Variants in DACH1 observed in about 807,000 individuals in gnomAD.
DACH1 encodes dachshund family transcription factor 1.
A neutral mutation model predicts 54.2 loss-of-function variants in DACH1; 12 were observed. The observed-to-expected ratio is 0.22, with a 90% confidence interval of 0.14 to 0.36. The LOEUF (loss-of-function observed/expected upper bound fraction) is 0.36, where lower values mean the gene tolerates loss of function less well. Among genes scored for constraint, DACH1 ranks in the 10% least tolerant of loss-of-function variants. The pLI, the probability that DACH1 is intolerant of heterozygous loss-of-function variation, is 1.00. For missense variants in DACH1, 805 were observed against 929.8 expected (o/e 0.87, Z 1.75); for synonymous variants, 386 against 366.2 (o/e 1.05, Z -0.62).
intron 2 of DACH1, among the ~76,000 whole-genome samples, chr13:71,678,180 A>G (rs978874217): frequency 2.6e-5 from 4 of 152,202 alleles, no homozygotes; most frequent in Admixed American, 6.5e-5. Flanking sequence ...TTAAAAGTCT[A>G]TATGATCATA....
At chr13:71,785,799 G>A (rs984478409) in intron 1 of DACH1, among the ~76,000 whole-genome samples, 28 of 152,138 alleles carry the variant, frequency 1.8e-4, no homozygotes, top group Non-Finnish European at 7.4e-5. Flanking sequence ...ATCCTAACAT[G>A]TTTTTCTCTC....
chr13:71,503,853 T>G (rs912421350), intron 6 of DACH1, among the ~76,000 whole-genome samples: 9 of 152,202 alleles, frequency 5.9e-5, no homozygotes, highest in Non-Finnish European at 1.2e-4. Context: ...ACTTTTTCCT[T>G]TAAAACTAAC....
chr13:71,459,203 AC>A (rs2138135112), intron 10 of DACH1, among the ~76,000 whole-genome samples: 1 of 152,100 alleles, frequency 6.6e-6, no homozygotes, highest in East Asian at 1.9e-4. Flanking sequence ...AAAATACTAA[AC>A]ATGGACTTTG....
At chr13:71,741,231 G>T (rs1884366487) in intron 1 of DACH1, among the ~76,000 whole-genome samples, 1 of 152,120 alleles carries the variant, frequency 6.6e-6, no homozygotes, top group East Asian at 1.9e-4. Flanking sequence ...CCATTGCAAA[G>T]TACCAAGCAC....
chr13:71,559,779 A>G, intron 5 of DACH1, 41 bp downstream of exon 5: 1 of 1,613,050 alleles, frequency 6.2e-7, no homozygotes, highest in Non-Finnish European at 8.5e-7. Context: ...CTGAACCCTA[A>G]TAAAGTTTAA....
At chr13:71,670,517 T>C (rs1490535157) in intron 2 of DACH1, among the ~76,000 whole-genome samples, 1 of 152,126 alleles carries the variant, frequency 6.6e-6, no homozygotes, top group Non-Finnish European at 1.5e-5. Context: ...TCAGTGTCAT[T>C]AAGTCCCTAA....
intron 7 of DACH1, among the ~76,000 whole-genome samples, chr13:71,483,552 T>C (rs905442508): frequency 2.7e-5 from 4 of 147,434 alleles, no homozygotes; most frequent in Non-Finnish European, 6.0e-5. Context: ...ATTATAATTT[T>C]ATAATTAAAT....
At chr13:71,480,761 C>T (rs189236094) in intron 7 of DACH1, among the ~76,000 whole-genome samples, 18 of 152,226 alleles carry the variant, frequency 1.2e-4, no homozygotes, top group South Asian at 2.1e-4. Flanking sequence ...GACTTGTAAG[C>T]GCAATAGACA....
At chr13:71,758,286 T>C (rs1566482854) in intron 1 of DACH1, among the ~76,000 whole-genome samples, 1 of 152,164 alleles carries the variant, frequency 6.6e-6, no homozygotes, top group Non-Finnish European at 1.5e-5. Flanking sequence ...CAGAAATAGA[T>C]TTTTATGTAA....
chr13:71,775,127 CTTTTT>C (rs767902341), intron 1 of DACH1, among the ~76,000 whole-genome samples: 1,455 of 53,904 alleles, frequency 0.027, 41 homozygotes, highest in African/African-American at 0.1. Flanking sequence ...TCAACACAAG[CTTTTT>C]TTTTTTTTTT....
chr13:71,593,524 T>C (rs1873878911), intron 3 of DACH1, among the ~76,000 whole-genome samples: 1 of 152,134 alleles, frequency 6.6e-6, no homozygotes, highest in Non-Finnish European at 1.5e-5. Flanking sequence ...TTTATTTCTA[T>C]CAAAATTTCA....
intron 6 of DACH1, among the ~76,000 whole-genome samples, chr13:71,495,686 A>C (rs551321206): frequency 6.6e-6 from 1 of 152,306 alleles, no homozygotes; most frequent in East Asian, 1.9e-4. Context: ...TGTAAAGGAA[A>C]GGGAATATTT....
intron 1 of DACH1, among the ~76,000 whole-genome samples, chr13:71,843,491 C>T (rs759025858): frequency 6.6e-6 from 1 of 152,096 alleles, no homozygotes; most frequent in Non-Finnish European, 1.5e-5. Flanking sequence ...TCTTGAACTC[C>T]AGGGCTCAAA....
At chr13:71,538,135 C>T (rs1383209579) in intron 6 of DACH1, among the ~76,000 whole-genome samples, 1 of 152,076 alleles carries the variant, frequency 6.6e-6, no homozygotes, top group African/African-American at 2.4e-5. Context: ...CACTAGGCCA[C>T]TGCTCTTTTA....
At chr13:71,527,604 T>A (rs148169459) in intron 6 of DACH1, among the ~76,000 whole-genome samples, 103 of 152,266 alleles carry the variant, frequency 6.8e-4, no homozygotes, top group Middle Eastern at 3.4e-3. Flanking sequence ...TGGGAAACAA[T>A]TACAATGAGA....
chr13:71,638,043 A>G (rs1877616267), intron 2 of DACH1, among the ~76,000 whole-genome samples: 1 of 152,210 alleles, frequency 6.6e-6, no homozygotes, highest in Admixed American at 6.5e-5. Context: ...TAATAGTTAA[A>G]TAAAATGGGT....
intron 3 of DACH1, among the ~76,000 whole-genome samples, chr13:71,623,197 A>C (rs1003801491): frequency 2.0e-5 from 3 of 151,718 alleles, no homozygotes; most frequent in Admixed American, 1.3e-4. Context: ...TGCCATCATT[A>C]ATGTTTCTAT....
At chr13:71,647,210 AT>A (rs1878344037) in intron 2 of DACH1, among the ~76,000 whole-genome samples, 1 of 152,244 alleles carries the variant, frequency 6.6e-6, no homozygotes, top group South Asian at 2.1e-4. Flanking sequence ...ATATTTTATC[AT>A]TACCTTGTAA....
At chr13:71,597,290 G>A (rs888489065) in intron 3 of DACH1, among the ~76,000 whole-genome samples, 4 of 152,082 alleles carry the variant, frequency 2.6e-5, no homozygotes, top group Non-Finnish European at 5.9e-5. Flanking sequence ...TAATGCATAC[G>A]TAAGCTGGCT....
Sources: gnomAD v4.1 joint callset for allele counts (sites outside exome capture counted in the v4.1 genomes callset) on GRCh38, gnomAD v4.1.1 for gene constraint, MANE v1.5 for transcripts, NCBI Gene and HGNC (gene_info 2026-07-23, HGNC 2026-07-21) for gene names.